The following NUP93 variants were observed in gnomAD, a reference collection of about 807,000 sequenced individuals.
The protein encoded by NUP93 is nucleoporin 93, also known as nuclear pore complex protein Nup93.
In NUP93, 55 loss-of-function variants were observed where a neutral mutation model predicts 107.8. That is an observed-to-expected ratio of 0.51 (90% CI 0.41 to 0.64). The LOEUF (loss-of-function observed/expected upper bound fraction) is 0.64. Among genes scored for constraint, NUP93 ranks in the 30% least tolerant of loss-of-function variants. The pLI is 0.00. For synonymous variants in NUP93, 390 were observed against 397.5 expected, an observed-to-expected ratio of 0.98 and a Z score of 0.22; for missense variants, 937 against 1,044.7, an observed-to-expected ratio of 0.90 and a Z score of 1.42.
intron 20 of NUP93, among the ~76,000 whole-genome samples, chr16:56,840,946 G>A (rs1357082559): frequency 1.3e-5 from 2 of 151,158 alleles, no homozygotes; most frequent in African/African-American, 2.4e-5. Flanking sequence ...GCAGTGAGCC[G>A]AGATTGCGCC....
chr16:56,845,756 C>A lies in NUP93; in HGVS notation c.*1147C>A, dbSNP rs1964109240. 6.6e-6 allele frequency: 1 copy of A among 152,238 alleles called. No individual in the cohort carries two copies. The highest frequency in any genetic ancestry group is 1.5e-5 in the Non-Finnish European group (1 of 68,040). 9.4% of individuals were successfully genotyped at this position (152,238 alleles called of 1,614,324 possible). On this transcript the variant is annotated 3_prime_UTR_variant, in exon 22 of 22. Coordinates refer to ENST00000308159, the MANE Select transcript of NUP93 (RefSeq NM_014669.5). Reference sequence around the variant, plus strand: ...GATCCCCAAAGGGTCCCCAAAGGTGCCTTTGCTTGTAGGGAGAAGTTTCTG... The same window carrying A: ...GATCCCCAAAGGGTCCCCAAAGGTGACTTTGCTTGTAGGGAGAAGTTTCTG...
chr16:56,813,250 C>T (rs1043775938), intron 5 of NUP93, among the ~76,000 whole-genome samples: 4 of 152,184 alleles, frequency 2.6e-5, no homozygotes, highest in African/African-American at 4.8e-5. Flanking sequence ...TACATCTCAA[C>T]ATCTCTCAAA....
chr16:56,746,434 CA>C (rs1179081930), intron 1 of NUP93, among the ~76,000 whole-genome samples: 3 of 152,008 alleles, frequency 2.0e-5, no homozygotes, highest in African/African-American at 7.3e-5. Flanking sequence ...TTATATGGGT[CA>C]AAAAAATTAC....
intron 8 of NUP93, among the ~76,000 whole-genome samples, chr16:56,828,151 G>T: frequency 7.0e-6 from 1 of 143,460 alleles, no homozygotes; most frequent in Middle Eastern, 4.0e-3. Flanking sequence ...TTGTTAATAG[G>T]CACTGCATCC....
At chr16:56,730,346 G>C (rs1961512131) in intron 1 of NUP93, 135 bp downstream of exon 1, 1 of 152,268 alleles carries the variant, frequency 6.6e-6, no homozygotes, top group Admixed American at 6.5e-5. Flanking sequence ...TGGCAGCCGG[G>C]CACGCCTGAC....
intron 5 of NUP93, among the ~76,000 whole-genome samples, chr16:56,805,992 G>A (rs1963130115): frequency 6.6e-6 from 1 of 150,744 alleles, no homozygotes; most frequent in Non-Finnish European, 1.5e-5. Flanking sequence ...ATTTACGCCT[G>A]CAGCCTTGAA....
In NUP93 at chr16:56,730,184, T is replaced by A. The variant is rs977942414; in HGVS notation, c.-42T>A. The stretch of plus-strand genomic sequence containing the variant: ...GCGGCCGCGTCCTCAAGCCGGCACC[T>A]GAGCGGCGGAGACGGCTGTAGCACA... On this transcript the variant is annotated 5_prime_UTR_variant, in exon 1 of 22. Transcript: ENST00000308159. 3 of 152,432 alleles carry A rather than the reference T, an allele frequency of 2.0e-5. No individual in the cohort carries two copies. The highest frequency in any genetic ancestry group is 4.4e-5 in the Non-Finnish European group (3 of 68,192). The allele number at this position is 152,432 out of a possible 1,614,324, so 9.4% of individuals were successfully genotyped here.
At chr16:56,838,438 A>C (rs1227391919) in intron 18 of NUP93, among the ~76,000 whole-genome samples, 1 of 152,222 alleles carries the variant, frequency 6.6e-6, no homozygotes, top group Non-Finnish European at 1.5e-5. Flanking sequence ...CATGTGGTGG[A>C]GTACCTGTAG....
rs537479250 is a variant in NUP93 at position 56,836,901 on chromosome 16, C to T, written c.1899+184C>T. 4.6e-5 allele frequency among the ~76,000 whole-genome samples: 7 copies of T among 152,296 alleles called. No individual in the cohort carries two copies. The South Asian group carries it at 8.3e-4, about 18-fold the overall frequency. On this transcript the variant is annotated intron_variant, in intron 17 of 21. Transcript: ENST00000308159. ...TCCCATTTTACAGCATTATTTCTGC[C>T]CATAAGATTTTTCTGACCAAACAAC...
chr16:56,747,995 A>C (rs1449149136), intron 1 of NUP93: 4 of 302,700 alleles, frequency 1.3e-5, no homozygotes, highest in Non-Finnish European at 2.5e-5. Flanking sequence ...GATGGCAGAA[A>C]TCAATCTTGG....
chr16:56,760,243 C>T (rs1962098711), intron 3 of NUP93, among the ~76,000 whole-genome samples: 1 of 152,172 alleles, frequency 6.6e-6, no homozygotes, highest in South Asian at 2.1e-4. Context: ...AAGTTCACCT[C>T]TTGGCCAGGC....
At chr16:56,834,886 G>A (rs1442151251) in intron 16 of NUP93, 108 bp downstream of exon 16, 2 of 873,826 alleles carry the variant, frequency 2.3e-6, no homozygotes, top group African/African-American at 3.4e-5. Flanking sequence ...ATGCAAATCT[G>A]AACAGAGTTG....
intron 5 of NUP93, among the ~76,000 whole-genome samples, chr16:56,816,334 G>A (rs1963431583): frequency 6.6e-6 from 1 of 152,156 alleles, no homozygotes; most frequent in Non-Finnish European, 1.5e-5. Flanking sequence ...TGTGACAGGT[G>A]GAAACCTTGA....
chr16:56,737,217 A>G (rs1961628628), intron 1 of NUP93, among the ~76,000 whole-genome samples: 1 of 152,208 alleles, frequency 6.6e-6, no homozygotes, highest in Non-Finnish European at 1.5e-5. Context: ...TCAGGATGCC[A>G]GCATAGTTGG....
chr16:56,814,347 A>G (rs1963376277), intron 5 of NUP93, among the ~76,000 whole-genome samples: 1 of 151,960 alleles, frequency 6.6e-6, no homozygotes, highest in Non-Finnish European at 1.5e-5. Context: ...TGCCACACCC[A>G]GCTAATTTTT....
At chr16:56,815,731 C>T (rs2144597356) in intron 5 of NUP93, among the ~76,000 whole-genome samples, 1 of 152,306 alleles carries the variant, frequency 6.6e-6, no homozygotes, top group East Asian at 1.9e-4. Flanking sequence ...ATTTAATCTT[C>T]ATCCCAATCC....
intron 1 of NUP93, among the ~76,000 whole-genome samples, chr16:56,736,740 C>CG (rs1961620592): frequency 6.6e-6 from 1 of 152,084 alleles, no homozygotes; most frequent in Admixed American, 6.6e-5. Flanking sequence ...TTTGAGTGCA[C>CG]GGGGGCAGGT....
chr16:56,825,677 C>G (rs547558879), intron 8 of NUP93, among the ~76,000 whole-genome samples: 15 of 152,082 alleles, frequency 9.9e-5, no homozygotes, highest in African/African-American at 3.4e-4. Flanking sequence ...TTCTTTTAGT[C>G]TTTTCGTTTA....
chr16:56,840,207 AG>A (rs1459971829), intron 20 of NUP93, among the ~76,000 whole-genome samples: 1 of 152,142 alleles, frequency 6.6e-6, no homozygotes, highest in East Asian at 1.9e-4. Flanking sequence ...TATTTAGTAG[AG>A]ATGGGGTTTC....
Sources: gnomAD v4.1 joint callset for allele counts (sites outside exome capture counted in the v4.1 genomes callset) on GRCh38, gnomAD v4.1.1 for gene constraint, MANE v1.5 for transcripts, NCBI Gene and HGNC (gene_info 2026-07-23, HGNC 2026-07-21) for gene names.